Variants in GLIS3 observed in about 807,000 individuals in gnomAD.
GLIS3 encodes zinc finger protein GLIS3.
GLIS3 carries 53 observed loss-of-function variants against 78.6 expected under a neutral mutation model. That is an observed-to-expected ratio of 0.67 (90% CI 0.54 to 0.85). GLIS3 has a LOEUF of 0.85. GLIS3 is among the 40% of genes least tolerant of loss of function. The pLI, the probability that GLIS3 is intolerant of heterozygous loss-of-function variation, is 0.00. For missense variants in GLIS3, 1,703 were observed against 1,231.1 expected (o/e 1.38, Z -5.74); for synonymous variants, 684 against 509.9 (o/e 1.34, Z -4.60).
chr9:4,254,839 CAAAAA>C (rs751442404), intron 2 of GLIS3, among the ~76,000 whole-genome samples: 1 of 70,036 alleles, frequency 1.4e-5, no homozygotes. Flanking sequence ...GACTACGTCT[CAAAAA>C]AAAAAAAAAA....
intron 7 of GLIS3, among the ~76,000 whole-genome samples, chr9:3,882,434 G>C (rs1821792232): frequency 6.6e-6 from 1 of 152,178 alleles, no homozygotes; most frequent in Non-Finnish European, 1.5e-5. Context: ...AAGCCAGAGG[G>C]ACATGGTGCA....
intron 1 of GLIS3, among the ~76,000 whole-genome samples, chr9:4,289,160 G>A (rs1266167992): frequency 6.6e-6 from 1 of 152,094 alleles, no homozygotes; most frequent in African/African-American, 2.4e-5. Flanking sequence ...TTCTACTTCT[G>A]ACAAATCATT....
chr9:4,063,314 T>C (rs965041562), intron 4 of GLIS3, among the ~76,000 whole-genome samples: 1 of 152,180 alleles, frequency 6.6e-6, no homozygotes, highest in Non-Finnish European at 1.5e-5. Context: ...AGACTTTTTA[T>C]GGGTATGTAA....
At chr9:4,416,513 A>G in the GLIS3 span, among the ~76,000 whole-genome samples, 2 of 152,192 alleles carry the variant, frequency 1.3e-5, no homozygotes, top group African/African-American at 4.8e-5. Flanking sequence ...TCTTTTTGTA[A>G]TATAAATAAT....
chr9:4,340,070 C>G (rs1302675535), intron 2 of GLIS3, among the ~76,000 whole-genome samples: 1 of 151,562 alleles, frequency 6.6e-6, no homozygotes, highest in Non-Finnish European at 1.5e-5. Flanking sequence ...AGTGAATTCA[C>G]CATGTCCTCA....
the GLIS3 span, among the ~76,000 whole-genome samples, chr9:4,367,465 A>C: frequency 2.0e-5 from 3 of 151,930 alleles, no homozygotes; most frequent in South Asian, 6.2e-4. Flanking sequence ...GGGCCTCCTG[A>C]ATTTCCTTAG....
chr9:4,075,022 C>A (rs1369147700), intron 4 of GLIS3, among the ~76,000 whole-genome samples: 5 of 152,026 alleles, frequency 3.3e-5, no homozygotes, highest in Non-Finnish European at 7.4e-5. Flanking sequence ...ACGTACTCAC[C>A]AAATAAGTAG....
chr9:4,452,495 G>A, the GLIS3 span, among the ~76,000 whole-genome samples: 1 of 152,170 alleles, frequency 6.6e-6, no homozygotes, highest in Non-Finnish European at 1.5e-5. Flanking sequence ...CAAACTCAAT[G>A]TGCAGAAATC....
chr9:4,484,644 C>T, the GLIS3 span, among the ~76,000 whole-genome samples: 10 of 151,886 alleles, frequency 6.6e-5, no homozygotes, highest in South Asian at 2.1e-4. Context: ...CTCGAACTCC[C>T]GACCTCAGGT....
chr9:4,240,150 G>T (rs1441556581), intron 2 of GLIS3, among the ~76,000 whole-genome samples: 1 of 148,442 alleles, frequency 6.7e-6, no homozygotes, highest in East Asian at 2.0e-4. Context: ...GTGGCATCAG[G>T]GACCAGTTTC....
At chr9:3,895,216 A>G (rs1474956904) in intron 7 of GLIS3, among the ~76,000 whole-genome samples, 1 of 152,268 alleles carries the variant, frequency 6.6e-6, no homozygotes, top group Non-Finnish European at 1.5e-5. Flanking sequence ...TGAAAGTGGC[A>G]TTCACACTTC....
chr9:4,126,584 A>T (rs10758557), intron 2 of GLIS3, among the ~76,000 whole-genome samples: 4 of 152,052 alleles, frequency 2.6e-5, no homozygotes, highest in Non-Finnish European at 5.9e-5. Flanking sequence ...ATTAGTAACA[A>T]TCTTTCAGTG....
At chr9:4,324,853 A>G (rs1817579068) in intron 2 of GLIS3, among the ~76,000 whole-genome samples, 3 of 152,178 alleles carry the variant, frequency 2.0e-5, no homozygotes. Flanking sequence ...TCAATCATCA[A>G]TTTCTCTTAC....
intron 2 of GLIS3, among the ~76,000 whole-genome samples, chr9:4,208,327 T>C (rs1820063219): frequency 6.6e-6 from 1 of 152,188 alleles, no homozygotes; most frequent in Non-Finnish European, 1.5e-5. Flanking sequence ...ATCTCGAGAC[T>C]GCAATGGCCA....
intron 2 of GLIS3, among the ~76,000 whole-genome samples, chr9:4,284,961 AT>A (rs34494309): frequency 0.54 from 81,361 of 150,866 alleles, 22,203 homozygotes; most frequent in African/African-American, 0.64. Flanking sequence ...GTTTAGTGCT[AT>A]TTTTTTTTTA....
At chr9:4,489,738 C>T in the GLIS3 span, among the ~76,000 whole-genome samples, 1 of 152,198 alleles carries the variant, frequency 6.6e-6, no homozygotes, top group Non-Finnish European at 1.5e-5. Context: ...ATCACTGCCC[C>T]AAGCCTCCAT....
chr9:4,239,174 G>A (rs1360704863), intron 2 of GLIS3, among the ~76,000 whole-genome samples: 2 of 100,900 alleles, frequency 2.0e-5, no homozygotes, highest in Non-Finnish European at 3.7e-5. Flanking sequence ...TTGTGGGGTG[G>A]GGGGAGGGGG....
Position 4,025,266 on chromosome 9 carries a change from A to G in GLIS3, c.1711-88077T>C, listed in dbSNP as rs546194663. ...CTCCGTCTCAAAAAAAAAAGAAAAGAAAAGAACGTACTCAAATAAACATGT... is the reference window on the plus strand; with the variant it reads ...CTCCGTCTCAAAAAAAAAAGAAAAGGAAAGAACGTACTCAAATAAACATGT... On this transcript the variant is annotated intron_variant, in intron 4 of 10. Transcript: ENST00000381971. Among the ~76,000 whole-genome samples, 4 of 152,222 alleles carry G rather than the reference A, an allele frequency of 2.6e-5. No homozygotes were observed. The East Asian group carries it at 7.7e-4, about 29-fold the overall frequency.
Position 4,039,953 on chromosome 9 carries a change from T to C in GLIS3, c.1710+77815A>G, listed in dbSNP as rs538025783. 2.0e-5 allele frequency among the ~76,000 whole-genome samples: 3 copies of C among 152,242 alleles called. No homozygotes were observed. The East Asian group carries it at 5.8e-4, about 29-fold the overall frequency. On this transcript the variant is annotated intron_variant, in intron 4 of 10. Transcript: ENST00000381971. Reference sequence around the variant, plus strand: ...AAGCCCAAGGCCAGTGCATCACAAATGTGGAGGCCAAAACTGTTTGGGAAG... The same window carrying C: ...AAGCCCAAGGCCAGTGCATCACAAACGTGGAGGCCAAAACTGTTTGGGAAG...
Sources: gnomAD v4.1 joint callset for allele counts (sites outside exome capture counted in the v4.1 genomes callset) on GRCh38, gnomAD v4.1.1 for gene constraint, MANE v1.5 for transcripts, NCBI Gene and HGNC (gene_info 2026-07-23, HGNC 2026-07-21) for gene names.